CUX2: variants seen among roughly 807,000 people sequenced by gnomAD.
CUX2 encodes the protein cut like homeobox 2, also known as homeobox protein cut-like 2.
In CUX2, 40 loss-of-function variants were observed where a neutral mutation model predicts 144.8. The ratio of observed to expected loss-of-function variants is 0.28; its 90% confidence interval spans 0.21 to 0.36. CUX2 has a LOEUF of 0.36. Ranked by LOEUF, CUX2 falls within the 10% of genes least tolerant of loss-of-function variation. The pLI, the probability that CUX2 is intolerant of heterozygous loss-of-function variation, is 1.00. For synonymous variants in CUX2, 827 were observed against 875.6 expected, an observed-to-expected ratio of 0.94 and a Z score of 0.98; for missense variants, 1,615 against 1,994.0, an observed-to-expected ratio of 0.81 and a Z score of 3.62.
chr12:111,080,144 C>T (rs1871793527), intron 1 of CUX2, among the ~76,000 whole-genome samples: 1 of 152,108 alleles, frequency 6.6e-6, no homozygotes, highest in Non-Finnish European at 1.5e-5. Flanking sequence ...CTGGCTGTTC[C>T]CTCTGCCCAC....
At position 111,190,595 on chromosome 12, in the gene CUX2, T is replaced by C. The variant is rs2136193433; in HGVS notation, c.64-23605T>C. ...GACTATGAGATGAGTTCATCTTTCC[T>C]GGACATCCAGAGAGACGCCTGGCAT... On this transcript the variant is annotated intron_variant, in intron 1 of 21. Coordinates refer to ENST00000261726, the MANE Select transcript of CUX2 (RefSeq NM_015267.4). This position sits in a 1 kb window ranked among gnomAD's most constrained non-coding sequence, Gnocchi z 4.0. Among the ~76,000 whole-genome samples, 1 of 152,356 alleles carries C rather than the reference T, an allele frequency of 6.6e-6. No individual in the cohort carries two copies. The highest frequency in any genetic ancestry group is 2.1e-4 in the South Asian group (1 of 4,826).
At chr12:111,335,210 G>A (rs932765030) in intron 19 of CUX2, among the ~76,000 whole-genome samples, 15 of 152,046 alleles carry the variant, frequency 9.9e-5, no homozygotes, top group Admixed American at 2.6e-4. Context: ...GGCCAACATG[G>A]TGAAACCTCG....
chr12:111,113,437 C>T (rs181640986), intron 1 of CUX2, among the ~76,000 whole-genome samples: 2 of 152,160 alleles, frequency 1.3e-5, no homozygotes, highest in Admixed American at 1.3e-4. Flanking sequence ...ACCCTTCCCC[C>T]ACCCCCTACA....
intron 1 of CUX2, among the ~76,000 whole-genome samples, chr12:111,125,828 G>A (rs901144311): frequency 6.6e-6 from 1 of 152,194 alleles, no homozygotes; most frequent in Non-Finnish European, 1.5e-5. Flanking sequence ...AGACAGGAGT[G>A]CAAGCACAGT....
intron 1 of CUX2, among the ~76,000 whole-genome samples, chr12:111,073,885 G>A (rs1468599464): frequency 1.3e-5 from 2 of 151,940 alleles, no homozygotes; most frequent in African/African-American, 4.9e-5. Flanking sequence ...GTCTTGAGGA[G>A]TTCAAGGCTG....
At chr12:111,291,218 C>T (rs1317263601) in intron 4 of CUX2, among the ~76,000 whole-genome samples, 200 bp from the exon 5 acceptor site, 2 of 152,148 alleles carry the variant, frequency 1.3e-5, no homozygotes, top group African/African-American at 4.8e-5. Context: ...GATACCCATA[C>T]CCTGGAGATA....
chr12:111,145,615 G>A (rs1876617526), intron 1 of CUX2, among the ~76,000 whole-genome samples: 1 of 151,996 alleles, frequency 6.6e-6, no homozygotes, highest in Admixed American at 6.6e-5. Context: ...TCTTCCTCCT[G>A]CCTCAGCCTC....
intron 19 of CUX2, among the ~76,000 whole-genome samples, chr12:111,336,695 G>A (rs1054740410): frequency 6.6e-6 from 1 of 151,584 alleles, no homozygotes; most frequent in South Asian, 2.1e-4. Flanking sequence ...TGATCCTCCC[G>A]CCTCATCCTC....
At chr12:111,339,374 C>T (rs1238143381) in intron 20 of CUX2, among the ~76,000 whole-genome samples, 2 of 152,206 alleles carry the variant, frequency 1.3e-5, no homozygotes, top group African/African-American at 4.8e-5. Flanking sequence ...TCCTCTGCCT[C>T]AGCCCCCTGT....
At chr12:111,245,989 C>T (rs1302030866) in intron 3 of CUX2, among the ~76,000 whole-genome samples, 2 of 152,082 alleles carry the variant, frequency 1.3e-5, no homozygotes, top group African/African-American at 2.4e-5. Flanking sequence ...GTGGCCTGTA[C>T]CCCGCTCAGG....
intron 3 of CUX2, among the ~76,000 whole-genome samples, chr12:111,251,476 C>G (rs1883558197): frequency 6.6e-6 from 1 of 152,152 alleles, no homozygotes; most frequent in African/African-American, 2.4e-5. Flanking sequence ...TACACTGTTG[C>G]TAATAGCAGG....
At chr12:111,089,802 C>T (rs1196004951) in intron 1 of CUX2, among the ~76,000 whole-genome samples, 1 of 152,218 alleles carries the variant, frequency 6.6e-6, no homozygotes, top group African/African-American at 2.4e-5. Context: ...CATGCTTGAG[C>T]ATTAAGCAGG....
At chr12:111,130,349 C>G (rs1375217846) in intron 1 of CUX2, among the ~76,000 whole-genome samples, 1 of 152,170 alleles carries the variant, frequency 6.6e-6, no homozygotes, top group Non-Finnish European at 1.5e-5. Flanking sequence ...AGTAGGTTTC[C>G]TCTCCACTTC....
At chr12:111,268,301 T>G (rs1884479450) in intron 4 of CUX2, among the ~76,000 whole-genome samples, 1 of 151,364 alleles carries the variant, frequency 6.6e-6, no homozygotes, top group African/African-American at 2.4e-5. Context: ...CTTGGCTCAC[T>G]GCAGCCTTGA....
At chr12:111,346,352 A>G (rs1411682325) in intron 21 of CUX2, among the ~76,000 whole-genome samples, 1 of 150,390 alleles carries the variant, frequency 6.6e-6, no homozygotes, top group Non-Finnish European at 1.5e-5. Context: ...GGCGCCCACC[A>G]GTAATCCCAG....
chr12:111,062,295 G>A (rs1360672834), intron 1 of CUX2, among the ~76,000 whole-genome samples: 2 of 152,224 alleles, frequency 1.3e-5, no homozygotes, highest in Non-Finnish European at 2.9e-5. Flanking sequence ...CAAAGGGAGT[G>A]CACAGGGCTG....
At chr12:111,253,481 G>T (rs1883670472) in intron 3 of CUX2, among the ~76,000 whole-genome samples, 1 of 152,042 alleles carries the variant, frequency 6.6e-6, no homozygotes, top group African/African-American at 2.4e-5. Flanking sequence ...TTCCCCTCCT[G>T]TGGCCCCACA....
At chr12:111,288,652 C>T (rs1885519069) in intron 4 of CUX2, among the ~76,000 whole-genome samples, 1 of 152,036 alleles carries the variant, frequency 6.6e-6, no homozygotes, top group Admixed American at 6.6e-5. Context: ...CATGGTGAAA[C>T]CCCAACTCTA....
rs767409363 is a variant in CUX2, at chr12:111,304,312, G to A, written c.856G>A (p.Gly286Arg). The change falls in exon 10 of 22, where the codon GGG (glycine) becomes AGG (arginine). Residue 286 changes from glycine to arginine, a missense_variant and splice_region_variant. By Grantham distance (125) the Gly-to-Arg change is moderately radical. Transcript: ENST00000261726. This position sits in a 1 kb window ranked among gnomAD's most constrained non-coding sequence, Gnocchi z 4.7. ...LACCSPQGPS[G>R]DKVNFTLCSG... ...TTGCTGCTCTCCCCAGGGGCCCAGT[G>A]GGGTAAGGATGGGGTTGGGGAAGTG... The A allele has an allele frequency of 6.2e-7, 1 of 1,612,892 alleles. No homozygotes were observed. Among genetic ancestry groups the A allele is most frequent in the South Asian group, 1.1e-5 (1 of 90,794 alleles).
Sources: allele counts gnomAD v4.1 joint callset (sites outside exome capture counted in the v4.1 genomes callset), GRCh38; gene constraint gnomAD v4.1.1; non-coding constraint Gnocchi (gnomAD v3.1); transcripts MANE v1.5; gene names NCBI Gene and HGNC (gene_info 2026-07-23, HGNC 2026-07-21).